Variants in SPON1 observed in about 807,000 individuals in gnomAD.
SPON1 encodes spondin 1.
In SPON1, 52 loss-of-function variants were observed where a neutral mutation model predicts 111.7. The ratio of observed to expected loss-of-function variants is 0.47; its 90% CI spans 0.37 to 0.59. SPON1 has a LOEUF of 0.59. Among genes scored for constraint, SPON1 ranks in the 20% least tolerant of loss-of-function variants. SPON1 has a pLI of 0.00. For missense variants in SPON1, 957 were observed against 1,068.5 expected (o/e 0.90, Z 1.46); for synonymous variants, 410 against 395.8 (o/e 1.04, Z -0.43).
At chr11:14,195,088 A>G (rs2133893784) in intron 6 of SPON1, among the ~76,000 whole-genome samples, 1 of 152,342 alleles carries the variant, frequency 6.6e-6, no homozygotes, top group Non-Finnish European at 1.5e-5. Context: ...CACCCTTACC[A>G]CATGTAATTA....
intron 5 of SPON1, among the ~76,000 whole-genome samples, chr11:14,097,654 T>C (rs1849112197): frequency 6.6e-6 from 1 of 152,136 alleles, no homozygotes. Flanking sequence ...TAGTCCCAGC[T>C]ACTTGGGAGG....
At chr11:14,215,352 T>C (rs528799087) in intron 6 of SPON1, among the ~76,000 whole-genome samples, 52 of 152,306 alleles carry the variant, frequency 3.4e-4, no homozygotes, top group Middle Eastern at 3.4e-3. Flanking sequence ...TTGGCCAGGT[T>C]ACTTGTGGTA....
At chr11:14,101,626 C>T (rs1448568727) in intron 5 of SPON1, among the ~76,000 whole-genome samples, 1 of 151,470 alleles carries the variant, frequency 6.6e-6, no homozygotes, top group Admixed American at 6.6e-5. Context: ...GTGTTTTTTC[C>T]CTTCCTACCT....
At chr11:14,157,640 T>C (rs1432573860) in intron 6 of SPON1, among the ~76,000 whole-genome samples, 1 of 152,164 alleles carries the variant, frequency 6.6e-6, no homozygotes, top group Non-Finnish European at 1.5e-5. Flanking sequence ...ATATTCTTTC[T>C]CCTTTCCTTC....
chr11:14,255,348 A>C (rs1849094548), intron 8 of SPON1, among the ~76,000 whole-genome samples: 1 of 152,212 alleles, frequency 6.6e-6, no homozygotes, highest in South Asian at 2.1e-4. Context: ...CGGGTCTATT[A>C]GAAAGAGTTT....
chr11:14,164,040 A>T (rs924579033), intron 6 of SPON1, among the ~76,000 whole-genome samples: 2 of 152,240 alleles, frequency 1.3e-5, no homozygotes, highest in Non-Finnish European at 2.9e-5. Context: ...AGAACTAAGT[A>T]TCATGACTTC....
chr11:14,072,437 C>A (rs1359876184), intron 3 of SPON1, among the ~76,000 whole-genome samples: 22 of 151,950 alleles, frequency 1.4e-4, no homozygotes, highest in Admixed American at 1.4e-3. Context: ...TTGCCATTGT[C>A]CCCCTATTTA....
chr11:14,008,854 C>T (rs1158163841), intron 2 of SPON1, among the ~76,000 whole-genome samples: 5 of 152,166 alleles, frequency 3.3e-5, no homozygotes, highest in Non-Finnish European at 5.9e-5. Context: ...CTTAAAAGAA[C>T]AATTTAAAAA....
chr11:14,124,423 C>T (rs528156678), intron 5 of SPON1, among the ~76,000 whole-genome samples: 1 of 152,338 alleles, frequency 6.6e-6, no homozygotes, highest in South Asian at 2.1e-4. Context: ...CTTATTTGTG[C>T]TGTGACATTC....
At chr11:14,111,304 C>T (rs1219678095) in intron 5 of SPON1, among the ~76,000 whole-genome samples, 1 of 152,134 alleles carries the variant, frequency 6.6e-6, no homozygotes, top group African/African-American at 2.4e-5. Flanking sequence ...GTCATCTTTG[C>T]TTTTTCCCTG....
rs782621507 is a variant in SPON1, at chr11:14,224,766, C to CG, written c.826-18564dup. ...TGAAAGACTGAGGGAGATATGAGGCCGGAGAAGTAGGTGGGGCCAAAGGGT... is the reference window on the plus strand; with the variant it reads ...TGAAAGACTGAGGGAGATATGAGGCCGGGAGAAGTAGGTGGGGCCAAAGGGT... On this transcript the variant is annotated intron_variant, in intron 6 of 15. Transcript: ENST00000576479. The CG allele has an allele frequency of 8.0e-6, 4 of 498,398 alleles. No individual in the cohort carries two copies. In the Admixed American group the frequency reaches 8.0e-5, roughly 10 times the overall value. The allele number at this position is 498,398 out of a possible 1,614,324, so 30.9% of individuals were successfully genotyped here.
chr11:14,042,311 A>T (rs111456998), intron 3 of SPON1, among the ~76,000 whole-genome samples: 1 of 152,208 alleles, frequency 6.6e-6, no homozygotes, highest in African/African-American at 2.4e-5. Flanking sequence ...TCTGTGGTCA[A>T]ATGTTTGCAA....
At chr11:14,000,172 TG>T (rs1848306148) in intron 2 of SPON1, among the ~76,000 whole-genome samples, 1 of 152,170 alleles carries the variant, frequency 6.6e-6, no homozygotes, top group Non-Finnish European at 1.5e-5. Flanking sequence ...TGAACAGGTC[TG>T]TCTCCCTAGG....
intron 2 of SPON1, among the ~76,000 whole-genome samples, chr11:14,012,234 T>C (rs566122670): frequency 1.3e-5 from 2 of 152,264 alleles, no homozygotes; most frequent in East Asian, 3.9e-4. Context: ...AGGGCCTCCT[T>C]GTGTCAAAAG....
intron 3 of SPON1, among the ~76,000 whole-genome samples, chr11:14,054,791 GC>G (rs1848732561): frequency 6.6e-6 from 1 of 152,172 alleles, no homozygotes; most frequent in Admixed American, 6.5e-5. Context: ...AGCAATCAGA[GC>G]CCTTGGAACA....
Position 14,059,748 on chromosome 11 carries a change from C to T in SPON1, c.480-15597C>T, listed in dbSNP as rs530142719. Among the ~76,000 whole-genome samples, 71 of 152,190 alleles carry T rather than the reference C, an allele frequency of 4.7e-4. No homozygotes were observed. The East Asian group carries it at 0.011, about 24-fold the overall frequency. On this transcript the variant is annotated intron_variant, in intron 3 of 15. Coordinates refer to ENST00000576479, the MANE Select transcript of SPON1 (RefSeq NM_006108.4). Reference sequence around the variant, plus strand: ...GGAAGAGCAAGTTCCCCCCAGCAGCCGCTGCCACAGTCATTTCTAAAACAG... The same window carrying T: ...GGAAGAGCAAGTTCCCCCCAGCAGCTGCTGCCACAGTCATTTCTAAAACAG...
intron 2 of SPON1, among the ~76,000 whole-genome samples, chr11:14,018,406 T>C (rs1848458091): frequency 6.6e-6 from 1 of 152,134 alleles, no homozygotes; most frequent in Non-Finnish European, 1.5e-5. Flanking sequence ...AGAAATTGGC[T>C]TGTTCAGTTT....
At chr11:14,236,553 A>T (rs972874351) in intron 6 of SPON1, among the ~76,000 whole-genome samples, 1 of 152,226 alleles carries the variant, frequency 6.6e-6, no homozygotes. Context: ...CAGCTTAGGA[A>T]TCATCAGCAT....
rs183946030 is a variant in SPON1, at chr11:14,128,910, G to A, written c.677-6510G>A. ...CTTGCACCCTCTAAAGCAATGGCTCGAGCTGTACCTTGGCACCTTTTAGCC... is the reference window on the plus strand; with the variant it reads ...CTTGCACCCTCTAAAGCAATGGCTCAAGCTGTACCTTGGCACCTTTTAGCC... On this transcript the variant is annotated intron_variant, in intron 5 of 15. Transcript: ENST00000576479. 2.7e-3 allele frequency among the ~76,000 whole-genome samples: 410 copies of A among 152,352 alleles called. 2 individuals carry two copies. Among genetic ancestry groups the A allele is most frequent in the African/African-American group, 8.9e-3 (372 of 41,590 alleles).
Sources: allele counts gnomAD v4.1 joint callset (sites outside exome capture counted in the v4.1 genomes callset), GRCh38; gene constraint gnomAD v4.1.1; transcripts MANE v1.5; gene names NCBI Gene and HGNC (gene_info 2026-07-23, HGNC 2026-07-21).